CTNNA3: variants seen among roughly 807,000 people sequenced by gnomAD.
CTNNA3 encodes catenin alpha-3.
In CTNNA3, 76 loss-of-function variants were observed where a neutral mutation model predicts 95.7. That is an observed-to-expected ratio of 0.79 (90% CI 0.66 to 0.96). The LOEUF (loss-of-function observed/expected upper bound fraction) is 0.96, where lower values mean the gene tolerates loss of function less well. Among genes scored for constraint, CTNNA3 ranks in the 40% least tolerant of loss-of-function variants. The probability of loss-of-function intolerance (pLI) is 0.00; values close to 1 mark genes in which losing one functional copy is unlikely to be tolerated. For synonymous variants in CTNNA3, 431 were observed against 374.4 expected, an observed-to-expected ratio of 1.15 and a Z score of -1.74; for missense variants, 1,191 against 1,089.8, an observed-to-expected ratio of 1.09 and a Z score of -1.31.
Position 66,587,914 on chromosome 10 carries a change from C to T in CTNNA3, c.1374+33778G>A, listed in dbSNP as rs1199007954. Among the ~76,000 whole-genome samples, 3 of 152,166 alleles carry T rather than the reference C, an allele frequency of 2.0e-5. No individual in the cohort carries two copies. In the East Asian group the frequency reaches 5.8e-4, roughly 29 times the overall value. Reference sequence around the variant, plus strand: ...CTCCTGCGCCCATGGCTATAGCAAACTTACTACTTGCCCCTCATTTCTGGC... The same window carrying T: ...CTCCTGCGCCCATGGCTATAGCAAATTTACTACTTGCCCCTCATTTCTGGC... On this transcript the variant is annotated intron_variant, in intron 10 of 17. Coordinates refer to ENST00000433211, the MANE Select transcript of CTNNA3 (RefSeq NM_013266.4).
intron 3 of CTNNA3, among the ~76,000 whole-genome samples, chr10:67,559,807 T>C (rs942031409): frequency 6.6e-6 from 1 of 152,112 alleles, no homozygotes; most frequent in South Asian, 2.1e-4. Context: ...CTAATGGAGC[T>C]GAAAACCAAG....
intron 16 of CTNNA3, among the ~76,000 whole-genome samples, chr10:65,985,775 G>C (rs541204507): frequency 6.6e-6 from 1 of 151,618 alleles, no homozygotes; most frequent in African/African-American, 2.4e-5. Context: ...GGCCTAGCCA[G>C]AACCATTAGC....
chr10:66,296,408 G>A (rs866263997), intron 12 of CTNNA3, among the ~76,000 whole-genome samples: 10 of 152,026 alleles, frequency 6.6e-5, no homozygotes, highest in South Asian at 2.1e-4. Flanking sequence ...ACAAAAGCAC[G>A]AAATTCTGTC....
intron 7 of CTNNA3, chr10:67,097,632 C>G: frequency 6.2e-7 from 1 of 1,612,606 alleles, no homozygotes; most frequent in Non-Finnish European, 8.5e-7. Context: ...ATACGACCAG[C>G]CCACAATAAG....
intron 11 of CTNNA3, among the ~76,000 whole-genome samples, chr10:66,454,743 G>T (rs1339920840): frequency 2.2e-5 from 3 of 137,926 alleles, no homozygotes; most frequent in East Asian, 2.4e-4. Context: ...GCATTACACT[G>T]ATATCAAAGC....
intron 5 of CTNNA3, among the ~76,000 whole-genome samples, chr10:67,432,664 A>G (rs1846149954): frequency 6.6e-6 from 1 of 152,096 alleles, no homozygotes; most frequent in South Asian, 2.1e-4. Flanking sequence ...CAACCAGATC[A>G]TCCAGGATAA....
At chr10:67,365,338 C>G (rs965599839) in intron 5 of CTNNA3, among the ~76,000 whole-genome samples, 12 of 152,084 alleles carry the variant, frequency 7.9e-5, no homozygotes, top group Non-Finnish European at 1.5e-4. Context: ...GACTAAAACA[C>G]CAAAAGCAAT....
At chr10:66,135,241 T>C (rs538652830) in intron 13 of CTNNA3, among the ~76,000 whole-genome samples, 1 of 152,196 alleles carries the variant, frequency 6.6e-6, no homozygotes, top group South Asian at 2.1e-4. Context: ...TACAAGGAAC[T>C]AGAACTGTTT....
At chr10:66,480,895 G>T (rs1839500152) in intron 11 of CTNNA3, among the ~76,000 whole-genome samples, 1 of 152,168 alleles carries the variant, frequency 6.6e-6, no homozygotes, top group African/African-American at 2.4e-5. Context: ...GAGCCACCAT[G>T]CCTGGCCTAA....
At chr10:67,339,850 T>C (rs1564578432) in intron 5 of CTNNA3, among the ~76,000 whole-genome samples, 2 of 152,300 alleles carry the variant, frequency 1.3e-5, no homozygotes, top group African/African-American at 2.4e-5. Flanking sequence ...ATTTAGAAAA[T>C]TGTAATAAAT....
chr10:66,122,440 T>C (rs1010909427), intron 13 of CTNNA3, among the ~76,000 whole-genome samples: 2 of 152,152 alleles, frequency 1.3e-5, no homozygotes, highest in African/African-American at 4.8e-5. Context: ...TGATAATGGC[T>C]GATCGTTTTC....
At chr10:67,321,021 C>A (rs1287659591) in intron 5 of CTNNA3, among the ~76,000 whole-genome samples, 1 of 152,156 alleles carries the variant, frequency 6.6e-6, no homozygotes, top group Admixed American at 6.5e-5. Context: ...CCTGCTCCAC[C>A]CCACACAACG....
chr10:67,619,841 C>T (rs553201528), intron 2 of CTNNA3, among the ~76,000 whole-genome samples: 92 of 152,236 alleles, frequency 6.0e-4, no homozygotes, highest in African/African-American at 2.1e-3. Flanking sequence ...CTGCACAAAA[C>T]TTCAGGGGTA....
In CTNNA3 at chr10:66,865,213, CGTGT is replaced by C. The variant is rs3055786; in HGVS notation, c.1048-89693_1048-89690del. ...AACAGGCATGGGGTGTGTGTGTGTG[CGTGT>C]GTGTGTGTGTGTGTGTGTGTGTGTA... On this transcript the variant is annotated intron_variant, in intron 7 of 17. Transcript: ENST00000433211. Among the ~76,000 whole-genome samples the C allele has an allele frequency of 1.9e-3, 272 of 143,540 alleles. 3 individuals are homozygous for C. The highest frequency in any genetic ancestry group is 0.016 in the South Asian group (73 of 4,608). The allele number at this position is 143,540 out of a possible 152,430, so 94.2% of individuals were successfully genotyped here.
At chr10:66,024,248 C>A (rs1182922902) in intron 15 of CTNNA3, among the ~76,000 whole-genome samples, 1 of 152,080 alleles carries the variant, frequency 6.6e-6, no homozygotes. Context: ...CGCCACCACG[C>A]CCAGCTAACT....
At chr10:67,600,604 A>C (rs1475926890) in intron 3 of CTNNA3, among the ~76,000 whole-genome samples, 4 of 152,238 alleles carry the variant, frequency 2.6e-5, no homozygotes, top group African/African-American at 9.6e-5. Flanking sequence ...AATGTGGAGC[A>C]GTTGGAGCTC....
intron 9 of CTNNA3, among the ~76,000 whole-genome samples, chr10:66,648,804 AT>A (rs1238991990): frequency 6.6e-6 from 1 of 152,186 alleles, no homozygotes; most frequent in East Asian, 1.9e-4. Context: ...AGATATGCTG[AT>A]TTTTGGGTAT....
At chr10:67,139,320 T>TTTTTTTTGTG (rs1860437971) in intron 7 of CTNNA3, among the ~76,000 whole-genome samples, 1 of 123,516 alleles carries the variant, frequency 8.1e-6, no homozygotes, top group Admixed American at 8.3e-5. Flanking sequence ...TTTTTTTTTT[T>TTTTTTTTGTG]GTATTTGTAG....
chr10:66,160,196 C>T (rs759894382), intron 13 of CTNNA3, among the ~76,000 whole-genome samples: 3 of 151,684 alleles, frequency 2.0e-5, no homozygotes, highest in Admixed American at 6.6e-5. Flanking sequence ...CTTGGAACTT[C>T]GTTATTTCCT....
Sources: gnomAD v4.1 joint callset for allele counts (sites outside exome capture counted in the v4.1 genomes callset) on GRCh38, gnomAD v4.1.1 for gene constraint, MANE v1.5 for transcripts, NCBI Gene and HGNC (gene_info 2026-07-23, HGNC 2026-07-21) for gene names.